The following STXBP5L variants were observed in gnomAD, a reference collection of about 807,000 sequenced individuals.
STXBP5L encodes the protein syntaxin-binding protein 5-like.
STXBP5L carries 65 observed loss-of-function variants against 144.5 expected under a neutral mutation model. The observed-to-expected ratio is 0.45, with a 90% CI of 0.37 to 0.55. The LOEUF (loss-of-function observed/expected upper bound fraction) is 0.55, where lower values mean the gene tolerates loss of function less well. Among genes scored for constraint, STXBP5L ranks in the 20% least tolerant of loss-of-function variants. The pLI is 0.00. For missense variants in STXBP5L, 1,298 were observed against 1,405.5 expected (o/e 0.92, Z 1.22); for synonymous variants, 505 against 469.6 (o/e 1.08, Z -0.97).
chr3:121,192,214 A>C (rs912598727), intron 9 of STXBP5L, among the ~76,000 whole-genome samples: 17 of 152,220 alleles, frequency 1.1e-4, no homozygotes, highest in African/African-American at 3.4e-4. Context: ...GTGAACTCCC[A>C]TTCACAATTG....
At chr3:121,198,566 T>C (rs946093487) in intron 9 of STXBP5L, among the ~76,000 whole-genome samples, 1 of 152,252 alleles carries the variant, frequency 6.6e-6, no homozygotes, top group South Asian at 2.1e-4. Flanking sequence ...CCCATGCCTA[T>C]GTCCTGAATG....
chr3:121,318,126 C>G (rs2043845231), intron 19 of STXBP5L, among the ~76,000 whole-genome samples: 1 of 151,872 alleles, frequency 6.6e-6, no homozygotes. Flanking sequence ...CAATCAGTTA[C>G]TTCTCCTTAT....
At chr3:120,909,797 A>T in intron 2 of STXBP5L, 30 bp downstream of exon 2, 2 of 1,583,384 alleles carry the variant, frequency 1.3e-6, no homozygotes, top group Non-Finnish European at 8.6e-7. Flanking sequence ...AAAGCCTATT[A>T]TTTCTTTATT....
At chr3:121,096,674 A>G (rs2043147513) in intron 5 of STXBP5L, among the ~76,000 whole-genome samples, 1 of 152,034 alleles carries the variant, frequency 6.6e-6, no homozygotes, top group South Asian at 2.1e-4. Context: ...GGGCGGCTGC[A>G]TAACAGCGAA....
At chr3:121,040,811 A>G (rs1034311946) in intron 3 of STXBP5L, among the ~76,000 whole-genome samples, 2 of 152,018 alleles carry the variant, frequency 1.3e-5, no homozygotes, top group African/African-American at 4.8e-5. Flanking sequence ...TCTCTCTTTC[A>G]GGGATCATTG....
chr3:121,358,388 G>T (rs769858632), intron 20 of STXBP5L, among the ~76,000 whole-genome samples: 1 of 152,150 alleles, frequency 6.6e-6, no homozygotes, highest in East Asian at 1.9e-4. Context: ...CCACATGGCT[G>T]GGGAGGCCTC....
intron 20 of STXBP5L, among the ~76,000 whole-genome samples, chr3:121,348,015 A>C (rs2045078531): frequency 6.6e-6 from 1 of 152,130 alleles, no homozygotes; most frequent in African/African-American, 2.4e-5. Flanking sequence ...GTGGTGAGAG[A>C]GGGCATCCCT....
chr3:121,288,833 A>G (rs933502284), intron 19 of STXBP5L, among the ~76,000 whole-genome samples: 2 of 152,032 alleles, frequency 1.3e-5, no homozygotes, highest in Non-Finnish European at 2.9e-5. Flanking sequence ...TGCTCAAGCT[A>G]TTTAGTTTGA....
At chr3:121,344,012 C>G (rs1190009078) in intron 20 of STXBP5L, among the ~76,000 whole-genome samples, 2 of 152,076 alleles carry the variant, frequency 1.3e-5, no homozygotes, top group Non-Finnish European at 2.9e-5. Flanking sequence ...TACAAAGCTA[C>G]AGTAACCAAA....
intron 11 of STXBP5L, among the ~76,000 whole-genome samples, chr3:121,225,353 T>C (rs1433886910): frequency 1.3e-5 from 2 of 152,016 alleles, no homozygotes; most frequent in Non-Finnish European, 2.9e-5. Context: ...GTGAGCACTG[T>C]TAGTGAGGCC....
intron 7 of STXBP5L, among the ~76,000 whole-genome samples, chr3:121,142,990 TTTAAAA>T (rs2045569786): frequency 6.6e-6 from 1 of 151,674 alleles, no homozygotes; most frequent in Admixed American, 6.6e-5. Flanking sequence ...GTAAAAAAGA[TTTAAAA>T]TTCAAATAAA....
At chr3:121,038,459 A>T (rs558957195) in intron 3 of STXBP5L, among the ~76,000 whole-genome samples, 1 of 151,940 alleles carries the variant, frequency 6.6e-6, no homozygotes, top group Non-Finnish European at 1.5e-5. Context: ...GTCAGAAACT[A>T]TACTCTTTAT....
At chr3:121,092,869 T>C (rs1175771946) in intron 5 of STXBP5L, among the ~76,000 whole-genome samples, 2 of 152,242 alleles carry the variant, frequency 1.3e-5, no homozygotes, top group Non-Finnish European at 2.9e-5. Flanking sequence ...AGGGAATGCT[T>C]CCAGTATTTG....
intron 9 of STXBP5L, among the ~76,000 whole-genome samples, chr3:121,165,274 T>C (rs534274057): frequency 6.6e-6 from 1 of 152,354 alleles, no homozygotes; most frequent in South Asian, 2.1e-4. Flanking sequence ...TTTGCTAATC[T>C]CTGAATGCCT....
chr3:121,394,475 T>C (rs982120885), intron 22 of STXBP5L, among the ~76,000 whole-genome samples: 1 of 152,104 alleles, frequency 6.6e-6, no homozygotes. Context: ...TACATCCTTA[T>C]CTTGTTCCAG....
chr3:121,152,143 T>G (rs1449799471), intron 7 of STXBP5L, among the ~76,000 whole-genome samples: 1 of 151,998 alleles, frequency 6.6e-6, no homozygotes, highest in East Asian at 1.9e-4. Flanking sequence ...ACATAGTTCA[T>G]TAATCTTATC....
At chr3:121,374,092 C>T (rs1005732941) in intron 20 of STXBP5L, among the ~76,000 whole-genome samples, 1 of 152,150 alleles carries the variant, frequency 6.6e-6, no homozygotes, top group Non-Finnish European at 1.5e-5. Context: ...CACCAAGAGG[C>T]CTGAGGACCA....
intron 8 of STXBP5L, among the ~76,000 whole-genome samples, chr3:121,156,962 G>A (rs1472170561): frequency 6.6e-6 from 1 of 151,858 alleles, no homozygotes; most frequent in African/African-American, 2.4e-5. Flanking sequence ...GGATACCGAG[G>A]GATGGCTGTA....
chr3:120,914,431 A>T (rs1165663711), intron 2 of STXBP5L, among the ~76,000 whole-genome samples: 1 of 152,072 alleles, frequency 6.6e-6, no homozygotes, highest in Non-Finnish European at 1.5e-5. Context: ...TATAACAATG[A>T]TGCTCATATC....
Sources: gnomAD v4.1 joint callset for allele counts (sites outside exome capture counted in the v4.1 genomes callset) on GRCh38, gnomAD v4.1.1 for gene constraint, MANE v1.5 for transcripts, NCBI Gene and HGNC (gene_info 2026-07-23, HGNC 2026-07-21) for gene names.